The following CACNA2D3 variants were observed in gnomAD, a reference collection of about 807,000 sequenced individuals.
CACNA2D3 encodes calcium voltage-gated channel auxiliary subunit alpha2delta 3.
A neutral mutation model predicts 160.6 loss-of-function variants in CACNA2D3; 60 were observed. That is an observed-to-expected ratio of 0.37 (90% confidence interval 0.30 to 0.46). The LOEUF (loss-of-function observed/expected upper bound fraction) is 0.46, where lower values mean the gene tolerates loss of function less well. Among genes scored for constraint, CACNA2D3 ranks in the 20% least tolerant of loss-of-function variants. CACNA2D3 has a pLI of 1.00. For synonymous variants in CACNA2D3, 558 were observed against 492.9 expected, an observed-to-expected ratio of 1.13 and a Z score of -1.75; for missense variants, 1,205 against 1,365.0, an observed-to-expected ratio of 0.88 and a Z score of 1.85.
intron 9 of CACNA2D3, among the ~76,000 whole-genome samples, chr3:54,592,565 AC>A (rs1256137602): frequency 6.6e-6 from 1 of 152,140 alleles, no homozygotes; most frequent in East Asian, 1.9e-4. Flanking sequence ...GACCTTCTGA[AC>A]CATTCATCAG....
intron 2 of CACNA2D3, among the ~76,000 whole-genome samples, chr3:54,194,746 A>T (rs1050495995): frequency 6.6e-6 from 1 of 152,206 alleles, no homozygotes; most frequent in Non-Finnish European, 1.5e-5. Context: ...ACATGGTGGA[A>T]ATGTGGAAGA....
chr3:54,773,171 A>G (rs1421163651), intron 13 of CACNA2D3, among the ~76,000 whole-genome samples: 3 of 152,198 alleles, frequency 2.0e-5, no homozygotes, highest in African/African-American at 7.2e-5. Context: ...CTTGGAGAAA[A>G]CACTATGCAT....
At chr3:54,645,073 T>C (rs1699608066) in intron 11 of CACNA2D3, among the ~76,000 whole-genome samples, 1 of 152,208 alleles carries the variant, frequency 6.6e-6, no homozygotes, top group Non-Finnish European at 1.5e-5. Context: ...TGAGAGTGGG[T>C]AATTTATAAA....
At chr3:55,010,435 T>C (rs555928196) in intron 34 of CACNA2D3, among the ~76,000 whole-genome samples, 1 of 152,288 alleles carries the variant, frequency 6.6e-6, no homozygotes, top group East Asian at 1.9e-4. Context: ...TCCGTAATTA[T>C]AATGGTGGTG....
rs139888232 is a variant in CACNA2D3 at position 54,783,104 on chromosome 3, G to C, written c.1380+18753G>C. ...ATTCAACCTTGGGTCTTCTGCCCAG[G>C]TGTGAGACTGTGACCTCAGATTCCA... On this transcript the variant is annotated intron_variant, in intron 13 of 37. Transcript: ENST00000474759. 2.0e-5 allele frequency among the ~76,000 whole-genome samples: 3 copies of C among 152,268 alleles called. No homozygotes were observed. The East Asian group carries it at 5.8e-4, about 29-fold the overall frequency.
intron 3 of CACNA2D3, among the ~76,000 whole-genome samples, chr3:54,372,291 A>T (rs1039244132): frequency 2.0e-5 from 3 of 152,302 alleles, no homozygotes; most frequent in Admixed American, 6.5e-5. Context: ...TGGGTTTGCC[A>T]TTTCTCTGTG....
intron 4 of CACNA2D3, among the ~76,000 whole-genome samples, chr3:54,419,896 G>C (rs1261541409): frequency 6.6e-6 from 1 of 152,086 alleles, no homozygotes; most frequent in African/African-American, 2.4e-5. Context: ...CTCCTGAGTA[G>C]CTGGGACTAC....
At chr3:54,804,176 A>T (rs1334770327) in intron 13 of CACNA2D3, among the ~76,000 whole-genome samples, 7 of 151,976 alleles carry the variant, frequency 4.6e-5, no homozygotes, top group African/African-American at 7.3e-5. Flanking sequence ...GCTAACATCA[A>T]AATGACAGGA....
chr3:54,667,615 G>C (rs1466353801), intron 11 of CACNA2D3, among the ~76,000 whole-genome samples: 1 of 152,120 alleles, frequency 6.6e-6, no homozygotes, highest in Non-Finnish European at 1.5e-5. Context: ...TAGTTTGTTG[G>C]AAAATGGTGA....
At chr3:54,583,587 T>G (rs1184795943) in intron 9 of CACNA2D3, among the ~76,000 whole-genome samples, 1 of 152,186 alleles carries the variant, frequency 6.6e-6, no homozygotes, top group Non-Finnish European at 1.5e-5. Flanking sequence ...TGCATTATAC[T>G]TACGGGTTGA....
intron 27 of CACNA2D3, among the ~76,000 whole-genome samples, chr3:54,919,477 G>A (rs962594219): frequency 6.6e-6 from 1 of 152,188 alleles, no homozygotes; most frequent in African/African-American, 2.4e-5. Context: ...TACCATGAAT[G>A]TGTCTCCTCA....
In CACNA2D3 at chr3:54,871,213, ACACACACACACC is replaced by A. The variant is rs750206995; in HGVS notation, c.1627-324_1627-313del. Reference sequence around the variant, plus strand: ...CACACACACACACACACACACACACACACACACACACCCCCCATTCAAGGAGGGGACAGATTT... The same window carrying A: ...CACACACACACACACACACACACACACCCCATTCAAGGAGGGGACAGATTT... On this transcript the variant is annotated intron_variant, in intron 17 of 37. Coordinates refer to ENST00000474759, the MANE Select transcript of CACNA2D3 (RefSeq NM_018398.3). Among the ~76,000 whole-genome samples, 313 of 107,080 alleles carry A rather than the reference ACACACACACACC, an allele frequency of 2.9e-3. 2 individuals are homozygous for A. Among genetic ancestry groups the A allele is most frequent in the Non-Finnish European group, 4.7e-3 (251 of 53,056 alleles). 70.2% of individuals were successfully genotyped at this position (107,080 alleles called of 152,430 possible).
At chr3:54,834,311 G>A (rs529454417) in intron 14 of CACNA2D3, among the ~76,000 whole-genome samples, 7 of 152,248 alleles carry the variant, frequency 4.6e-5, no homozygotes, top group African/African-American at 1.2e-4. Flanking sequence ...GAAGTTGTGC[G>A]GAGTTATGGA....
chr3:54,393,254 C>G (rs1281211001), intron 4 of CACNA2D3, among the ~76,000 whole-genome samples: 1 of 152,198 alleles, frequency 6.6e-6, no homozygotes, highest in Non-Finnish European at 1.5e-5. Context: ...ACTGGGGACT[C>G]CTACCGACCT....
chr3:54,380,539 C>A (rs1699084103), intron 3 of CACNA2D3, among the ~76,000 whole-genome samples: 1 of 152,126 alleles, frequency 6.6e-6, no homozygotes, highest in Non-Finnish European at 1.5e-5. Flanking sequence ...GAGATGGAGA[C>A]CATCCTGGCT....
At position 54,788,200 on chromosome 3, in the gene CACNA2D3, T is replaced by A. The variant is rs996786397; in HGVS notation, c.1380+23849T>A. ...TCAGTCATGATATTACTGTGGGTCA[T>A]AAGGGTTTGAAAACCTTTTACCTTT... is the stretch of plus-strand genomic sequence containing the variant. On this transcript the variant is annotated intron_variant, in intron 13 of 37. Transcript: ENST00000474759. Among the ~76,000 whole-genome samples, 22 of 152,386 alleles carry A rather than the reference T, an allele frequency of 1.4e-4. No individual in the cohort carries two copies. In the East Asian group the frequency reaches 3.1e-3, roughly 21 times the overall value.
intron 3 of CACNA2D3, among the ~76,000 whole-genome samples, chr3:54,358,197 C>T (rs1272172680): frequency 6.6e-6 from 1 of 152,118 alleles, no homozygotes; most frequent in Non-Finnish European, 1.5e-5. Flanking sequence ...CTCAATTTTT[C>T]TGTAAACTTA....
At chr3:54,535,413 G>A (rs548646638) in intron 5 of CACNA2D3, among the ~76,000 whole-genome samples, 2 of 152,186 alleles carry the variant, frequency 1.3e-5, no homozygotes, top group East Asian at 3.9e-4. Context: ...CCTATTTTTT[G>A]TTGTTTTCTT....
intron 4 of CACNA2D3, among the ~76,000 whole-genome samples, chr3:54,449,294 A>C (rs1700268755): frequency 6.6e-6 from 1 of 152,230 alleles, no homozygotes; most frequent in African/African-American, 2.4e-5. Flanking sequence ...CTAATATTGA[A>C]GAATTGGCTA....
Sources: gnomAD v4.1 joint callset for allele counts (sites outside exome capture counted in the v4.1 genomes callset) on GRCh38, gnomAD v4.1.1 for gene constraint, MANE v1.5 for transcripts, NCBI Gene and HGNC (gene_info 2026-07-23, HGNC 2026-07-21) for gene names.